The following MKLN1 variants were observed in gnomAD, a reference collection of about 807,000 sequenced individuals.
MKLN1 encodes the protein muskelin.
In MKLN1, 18 loss-of-function variants were observed where a neutral mutation model predicts 99.0. That is an observed-to-expected ratio of 0.18 (90% CI 0.13 to 0.27). The LOEUF is 0.27. MKLN1 is among the 10% of genes least tolerant of loss of function. The probability of loss-of-function intolerance (pLI) is 1.00; values close to 1 mark genes in which losing one functional copy is unlikely to be tolerated. For synonymous variants in MKLN1, 288 were observed against 293.2 expected (o/e 0.98, Z 0.18); for missense variants, 621 against 875.9 (o/e 0.71, Z 3.67).
At chr7:131,114,401 G>A (rs940380043) in intron 1 of MKLN1, among the ~76,000 whole-genome samples, 1 of 152,140 alleles carries the variant, frequency 6.6e-6, no homozygotes, top group African/African-American at 2.4e-5. Flanking sequence ...TCAGGAGAGA[G>A]ATCTATGCTG....
intron 2 of MKLN1, among the ~76,000 whole-genome samples, chr7:131,194,065 C>T (rs1032201347): frequency 3.4e-5 from 5 of 148,462 alleles, no homozygotes; most frequent in Non-Finnish European, 7.4e-5. Context: ...GTCTTGAACT[C>T]CTGGGCTCAA....
At chr7:131,483,044 A>C (rs1455809727) in intron 17 of MKLN1, among the ~76,000 whole-genome samples, 3 of 152,170 alleles carry the variant, frequency 2.0e-5, no homozygotes, top group Non-Finnish European at 4.4e-5. Flanking sequence ...GCTACCTCTC[A>C]CTGAGCTTTA....
intron 6 of MKLN1, among the ~76,000 whole-genome samples, chr7:131,410,004 A>G (rs1004667156): frequency 1.3e-5 from 2 of 152,164 alleles, no homozygotes; most frequent in Non-Finnish European, 2.9e-5. Context: ...TTTAGAAGTA[A>G]GGAAAAATTG....
chr7:131,194,570 G>A (rs138328035), intron 2 of MKLN1, among the ~76,000 whole-genome samples: 3 of 152,092 alleles, frequency 2.0e-5, no homozygotes, highest in East Asian at 1.9e-4. Flanking sequence ...CCATACTTAC[G>A]GCCAGAGAAT....
intron 1 of MKLN1, among the ~76,000 whole-genome samples, chr7:131,113,313 G>C (rs1181578840): frequency 1.3e-5 from 2 of 152,226 alleles, no homozygotes; most frequent in Non-Finnish European, 2.9e-5. Flanking sequence ...GGAAAAAGCT[G>C]TGTGCAGGGA....
At chr7:131,345,421 G>A (rs999197208) in intron 1 of MKLN1, among the ~76,000 whole-genome samples, 1 of 152,158 alleles carries the variant, frequency 6.6e-6, no homozygotes, top group Non-Finnish European at 1.5e-5. Context: ...CTGATTTTGG[G>A]TTTTCAGATT....
In MKLN1 at chr7:131,445,856, A is replaced by T; in HGVS notation, c.1478A>T (p.Asp493Val). 1 of 1,608,350 alleles carries T rather than the reference A, an allele frequency of 6.2e-7. No individual in the cohort carries two copies. The highest frequency in any genetic ancestry group is 8.5e-7 in the Non-Finnish European group (1 of 1,176,332). ...NDFFSYDVDS[D>V]HVDIISDGTK... ...TTCTTTAGTTATGATGTGGACTCTG[A>T]TCATGTAGACATAATATCAGATGGC... is the stretch of plus-strand genomic sequence containing the variant. Residue 493 changes from aspartate (D) to valine (V), a missense_variant, in exon 12 of 18, where the codon GAT (aspartate) becomes GTT (valine). By Grantham distance (152) the Asp-to-Val change is radical (BLOSUM62 -3). This residue lies in a region of MKLN1 where 361 missense variants were observed against 540.8 expected (regional missense o/e 0.67). Coordinates refer to ENST00000352689, the MANE Select transcript of MKLN1 (RefSeq NM_013255.5).
intron 3 of MKLN1, among the ~76,000 whole-genome samples, chr7:131,224,887 C>T (rs1484240278): frequency 2.0e-5 from 3 of 151,276 alleles, no homozygotes; most frequent in Non-Finnish European, 4.4e-5. Context: ...TCCTGGCTAA[C>T]ATGGTGAAAC....
At chr7:131,143,410 G>A (rs1376839903) in intron 2 of MKLN1, among the ~76,000 whole-genome samples, 4 of 152,112 alleles carry the variant, frequency 2.6e-5, no homozygotes, top group East Asian at 1.9e-4. Flanking sequence ...AAGTTGCAGC[G>A]AGCCAAGATC....
intron 6 of MKLN1, among the ~76,000 whole-genome samples, chr7:131,408,101 T>C (rs959628152): frequency 1.3e-5 from 2 of 152,132 alleles, no homozygotes; most frequent in Non-Finnish European, 2.9e-5. Context: ...GTCTAATATA[T>C]GAGAATGATT....
intron 14 of MKLN1, 145 bp downstream of exon 14, chr7:131,464,553 A>G: frequency 1.9e-6 from 1 of 524,652 alleles, no homozygotes; most frequent in Non-Finnish European, 3.5e-6. Context: ...AACACCCAAT[A>G]TCACTTCTCC....
rs1347201471 is a variant in MKLN1, at chr7:131,443,474, C to T, written c.1174-7C>T. 9 of 1,592,730 alleles carry T rather than the reference C, an allele frequency of 5.7e-6. No homozygotes were observed. The highest frequency in any genetic ancestry group is 7.8e-6 in the Non-Finnish European group (9 of 1,160,740). Reference sequence around the variant, plus strand: ...AAACTATTCAATCTGTTGCCTTGTTCTGATAGATGTGTATGGACTCAGAAA... The same window carrying T: ...AAACTATTCAATCTGTTGCCTTGTTTTGATAGATGTGTATGGACTCAGAAA... On this transcript the variant is annotated splice_polypyrimidine_tract_variant and splice_region_variant and intron_variant, in intron 10 of 17. Coordinates refer to ENST00000352689, the MANE Select transcript of MKLN1 (RefSeq NM_013255.5).
intron 2 of MKLN1, among the ~76,000 whole-genome samples, chr7:131,194,869 T>C (rs1796618998): frequency 6.6e-6 from 1 of 152,212 alleles, no homozygotes; most frequent in East Asian, 1.9e-4. Flanking sequence ...ATTATGTTAA[T>C]ATCGCATTCA....
At chr7:131,240,001 G>A (rs1482411218) in intron 3 of MKLN1, among the ~76,000 whole-genome samples, 1 of 152,108 alleles carries the variant, frequency 6.6e-6, no homozygotes, top group African/African-American at 2.4e-5. Context: ...GGGCAACATA[G>A]TGAGACCCAT....
chr7:131,281,517 G>A (rs1167510388), intron 3 of MKLN1, among the ~76,000 whole-genome samples: 3 of 151,860 alleles, frequency 2.0e-5, no homozygotes, highest in Non-Finnish European at 2.9e-5. Context: ...ATTTTGGGTT[G>A]TATTTCCATG....
intron 2 of MKLN1, among the ~76,000 whole-genome samples, chr7:131,162,396 G>A (rs987540840): frequency 3.9e-5 from 6 of 152,104 alleles, no homozygotes; most frequent in East Asian, 1.9e-4. Flanking sequence ...CTAAATAAAC[G>A]TGAGAAAATG....
intron 2 of MKLN1, among the ~76,000 whole-genome samples, chr7:131,175,978 A>G (rs1796293410): frequency 6.6e-6 from 1 of 152,082 alleles, no homozygotes. Flanking sequence ...TACCCCATTT[A>G]CTCCCAGTTG....
rs1344157902 is a variant in MKLN1 at position 131,487,318 on chromosome 7, C to T, written c.2087-289C>T. On this transcript the variant is annotated intron_variant, in intron 17 of 17. Coordinates refer to ENST00000352689, the MANE Select transcript of MKLN1 (RefSeq NM_013255.5). The surrounding 1 kb of genome is among the most constrained non-coding windows in gnomAD (Gnocchi z 4.7). Reference sequence around the variant, plus strand: ...CTAAAGTGCCAGTCCTTCTGCTAGACGCTTTTCATGTAACTACATTTAATC... The same window carrying T: ...CTAAAGTGCCAGTCCTTCTGCTAGATGCTTTTCATGTAACTACATTTAATC... Among the ~76,000 whole-genome samples, 4 of 152,086 alleles carry T rather than the reference C, an allele frequency of 2.6e-5. No homozygotes were observed. Among genetic ancestry groups the T allele is most frequent in the South Asian group, 4.1e-4 (2 of 4,830 alleles).
intron 3 of MKLN1, among the ~76,000 whole-genome samples, chr7:131,267,723 T>C (rs1044034418): frequency 1.3e-5 from 2 of 152,230 alleles, no homozygotes; most frequent in African/African-American, 4.8e-5. Flanking sequence ...GTTTTTTAAA[T>C]GTTTTCAGTC....
Sources: allele counts gnomAD v4.1 joint callset (sites outside exome capture counted in the v4.1 genomes callset), GRCh38; gene constraint gnomAD v4.1.1; regional missense constraint gnomAD v4.1.1; non-coding constraint Gnocchi (gnomAD v3.1); transcripts MANE v1.5; gene names NCBI Gene and HGNC (gene_info 2026-07-23, HGNC 2026-07-21).